The following CNKSR3 variants were observed in gnomAD, a reference collection of about 807,000 sequenced individuals.
The protein encoded by CNKSR3 is connector enhancer of kinase suppressor of ras 3.
A neutral mutation model predicts 67.7 loss-of-function variants in CNKSR3; 36 were observed. That is an observed-to-expected ratio of 0.53 (90% confidence interval 0.41 to 0.70). The LOEUF (loss-of-function observed/expected upper bound fraction) is 0.70. Among genes scored for constraint, CNKSR3 ranks in the 30% least tolerant of loss-of-function variants. The probability of loss-of-function intolerance (pLI) is 0.00; values close to 1 mark genes in which losing one functional copy is unlikely to be tolerated. For missense variants in CNKSR3, 630 were observed against 695.2 expected (o/e 0.91, Z 1.05); for synonymous variants, 281 against 271.4 (o/e 1.04, Z -0.35).
At chr6:154,443,869 T>C (rs557103731) in intron 2 of CNKSR3, among the ~76,000 whole-genome samples, 4 of 152,226 alleles carry the variant, frequency 2.6e-5, no homozygotes, top group Admixed American at 2.6e-4. Context: ...AATCAATCAA[T>C]AAAATTAATT....
At chr6:154,412,564 A>G (rs966759121) in intron 10 of CNKSR3, among the ~76,000 whole-genome samples, 3 of 152,184 alleles carry the variant, frequency 2.0e-5, no homozygotes, top group Admixed American at 2.0e-4. Flanking sequence ...AGAGGGAAAG[A>G]CTACCTGTAA....
intron 6 of CNKSR3, among the ~76,000 whole-genome samples, chr6:154,428,573 A>T (rs1184319100): frequency 6.6e-6 from 1 of 152,206 alleles, no homozygotes; most frequent in Non-Finnish European, 1.5e-5. Flanking sequence ...ACTGGAGTGT[A>T]GCGATGCAAA....
intron 1 of CNKSR3, among the ~76,000 whole-genome samples, chr6:154,456,707 CAAAAAAAAAAAAAAA>C (rs10536163): frequency 1.3e-4 from 6 of 45,374 alleles, no homozygotes; most frequent in Non-Finnish European, 1.9e-4. Flanking sequence ...AACTCTGTCT[CAAAAAAAAAAAAAAA>C]AAAAAAAAAA....
At position 154,411,093 on chromosome 6, in the gene CNKSR3, G is replaced by T. The variant is rs1326186206; in HGVS notation, c.1120C>A (p.Pro374Thr). 1 of 1,614,012 alleles carries T rather than the reference G, an allele frequency of 6.2e-7. No individual in the cohort carries two copies. The change falls in exon 11 of 13, where the codon CCA becomes ACA. Residue 374 changes from proline to threonine, a missense_variant. By Grantham distance (38) the Pro-to-Thr change is conservative. Transcript: ENST00000607772. ...TCTGAACCCTTAGGACCAGGCAATG[G>T]TTGTTTGCACTTACTGGACCCTCCA... is the stretch of plus-strand genomic sequence containing the variant. ...VYGGSSKCKQ[P>T]LPGPKGSESP...
At chr6:154,459,414 C>T (rs1329156222) in intron 1 of CNKSR3, among the ~76,000 whole-genome samples, 1 of 151,920 alleles carries the variant, frequency 6.6e-6, no homozygotes, top group Non-Finnish European at 1.5e-5. Context: ...TAAGGGACAC[C>T]CCACTGGCCA....
chr6:154,421,295 T>A (rs1264066986), intron 9 of CNKSR3, among the ~76,000 whole-genome samples: 1 of 152,242 alleles, frequency 6.6e-6, no homozygotes, highest in Non-Finnish European at 1.5e-5. Flanking sequence ...ATTACCGGCG[T>A]GAGCCACCAC....
chr6:154,493,068 T>C (rs114690227), intron 1 of CNKSR3, among the ~76,000 whole-genome samples: 2,195 of 152,200 alleles, frequency 0.014, 21 homozygotes, highest in African/African-American at 0.032. Flanking sequence ...AGCCCCCCAA[T>C]AGCTCCCCAA....
At position 154,436,649 on chromosome 6, in the gene CNKSR3, C is replaced by T. The variant is rs550558837; in HGVS notation, c.508-3142G>A. ...TCCAGGTGTGCACCAACACATCTGG[C>T]GTCATTTTCCTATTTCTTTCCAGAC... is the stretch of plus-strand genomic sequence containing the variant. On this transcript the variant is annotated intron_variant, in intron 4 of 12. Coordinates refer to ENST00000607772, the MANE Select transcript of CNKSR3 (RefSeq NM_173515.4). 1.9e-4 allele frequency among the ~76,000 whole-genome samples: 29 copies of T among 152,220 alleles called. No individual in the cohort carries two copies. The South Asian group carries it at 5.6e-3, about 29-fold the overall frequency.
intron 1 of CNKSR3, among the ~76,000 whole-genome samples, chr6:154,497,880 T>A (rs1044872220): frequency 1.3e-5 from 2 of 152,196 alleles, no homozygotes; most frequent in African/African-American, 4.8e-5. Context: ...AGTCAACAGA[T>A]AACTTACTAA....
chr6:154,477,381 G>T (rs1286717140), intron 1 of CNKSR3, among the ~76,000 whole-genome samples: 1 of 151,964 alleles, frequency 6.6e-6, no homozygotes, highest in Non-Finnish European at 1.5e-5. Context: ...TACAATCTCG[G>T]CTCACTGCAA....
rs146287765 is a variant in CNKSR3 at position 154,439,956 on chromosome 6, T to C, written c.507+1336A>G. ...GGGAAGAGGGAAGCAAGGGAGAAAA[T>C]GGACACTCAAGGTAGGTATCAGGGA... On this transcript the variant is annotated intron_variant, in intron 4 of 12. Transcript: ENST00000607772. 4.3e-4 allele frequency among the ~76,000 whole-genome samples: 65 copies of C among 152,154 alleles called. 1 individual carries two copies. In the East Asian group the frequency reaches 0.011, roughly 26 times the overall value.
intron 1 of CNKSR3, among the ~76,000 whole-genome samples, chr6:154,487,200 G>C (rs1428007303): frequency 1.3e-5 from 2 of 152,218 alleles, no homozygotes; most frequent in Non-Finnish European, 2.9e-5. Flanking sequence ...AAAAGGCAGA[G>C]TATCCTTGTT....
chr6:154,439,014 T>G (rs1785529206), intron 4 of CNKSR3, among the ~76,000 whole-genome samples: 1 of 152,148 alleles, frequency 6.6e-6, no homozygotes, highest in South Asian at 2.1e-4. Flanking sequence ...AAAGTAGCAC[T>G]TGAGATGATG....
intron 7 of CNKSR3, among the ~76,000 whole-genome samples, chr6:154,425,031 C>A (rs1785228658): frequency 6.6e-6 from 1 of 152,226 alleles, no homozygotes; most frequent in African/African-American, 2.4e-5. Context: ...CTTGGCCTCC[C>A]AAAGTGCTGA....
chr6:154,421,360 C>T (rs755713192), intron 9 of CNKSR3, among the ~76,000 whole-genome samples: 79 of 152,292 alleles, frequency 5.2e-4, no homozygotes, highest in Admixed American at 6.5e-4. Flanking sequence ...CCTACAATGT[C>T]TCCAGTACCT....
chr6:154,463,809 C>T (rs1192020733), intron 1 of CNKSR3, among the ~76,000 whole-genome samples: 1 of 152,166 alleles, frequency 6.6e-6, no homozygotes, highest in Non-Finnish European at 1.5e-5. Context: ...TTGGCTTCTT[C>T]ACTGCAGTGT....
At chr6:154,434,973 C>G (rs187776789) in intron 4 of CNKSR3, among the ~76,000 whole-genome samples, 89 of 148,570 alleles carry the variant, frequency 6.0e-4, no homozygotes, top group African/African-American at 2.0e-3. Flanking sequence ...ATCTTTGTGT[C>G]TATAATCTTT....
rs1477018120 is a variant in CNKSR3 at position 154,419,522 on chromosome 6, A to T, written c.945+2984T>A. Among the ~76,000 whole-genome samples, 7 of 152,358 alleles carry T rather than the reference A, an allele frequency of 4.6e-5. No individual in the cohort carries two copies. In the East Asian group the frequency reaches 1.2e-3, roughly 25 times the overall value. On this transcript the variant is annotated intron_variant, in intron 9 of 12. Transcript: ENST00000607772. ...GGTAAGTGGTGATAAGGATGTGGAA[A>T]TGTAGAAATCCTAGCACACGGCTGG...
chr6:154,433,557 G>A (rs773154739), intron 4 of CNKSR3, 50 bp from the exon 5 acceptor site: 7 of 1,368,256 alleles, frequency 5.1e-6, no homozygotes, highest in East Asian at 4.8e-5. Flanking sequence ...AGTTAAAAAC[G>A]TTCAGAACTG....
Sources: gnomAD v4.1 joint callset for allele counts (sites outside exome capture counted in the v4.1 genomes callset) on GRCh38, gnomAD v4.1.1 for gene constraint, MANE v1.5 for transcripts, NCBI Gene and HGNC (gene_info 2026-07-23, HGNC 2026-07-21) for gene names.